The following CENPK variants were observed in gnomAD, a reference collection of about 807,000 sequenced individuals.
CENPK encodes the protein SoxLZ/Sox6-binding protein Solt.
A neutral mutation model predicts 40.9 loss-of-function variants in CENPK; 46 were observed. The ratio of observed to expected loss-of-function variants is 1.13; its 90% CI spans 0.89 to 1.44. The LOEUF (loss-of-function observed/expected upper bound fraction) is 1.44, where lower values mean the gene tolerates loss of function less well. Ranked by LOEUF, CENPK falls within the 40% of genes most tolerant of loss-of-function variation. The pLI is 0.00. For missense variants in CENPK, 288 were observed against 303.5 expected, an observed-to-expected ratio of 0.95 and a Z score of 0.38; for synonymous variants, 107 against 104.4, an observed-to-expected ratio of 1.02 and a Z score of -0.15.
intron 6 of CENPK, among the ~76,000 whole-genome samples, chr5:65,537,351 C>A (rs552018476): frequency 6.6e-6 from 1 of 152,182 alleles, no homozygotes; most frequent in Non-Finnish European, 1.5e-5. Flanking sequence ...GTCATCCAGG[C>A]TGGAGTCCAG....
At position 65,536,871 on chromosome 5, in the gene CENPK, G is replaced by A. The variant is rs147345290; in HGVS notation, c.288+5931C>T. Among the ~76,000 whole-genome samples, 514 of 152,218 alleles carry A rather than the reference G, an allele frequency of 3.4e-3. 4 individuals are homozygous for A. The highest frequency in any genetic ancestry group is 0.012 in the African/African-American group (494 of 41,530). On this transcript the variant is annotated intron_variant, in intron 6 of 10. Transcript: ENST00000396679. ...ACTATAGAAACTTGGTTGCCATTGT[G>A]GCAGTGTTAAGAGGTAGGGTCTTTG... is the stretch of plus-strand genomic sequence containing the variant.
At chr5:65,503,232 G>A in the CENPK span, among the ~76,000 whole-genome samples, 1 of 149,682 alleles carries the variant, frequency 6.7e-6, no homozygotes, top group African/African-American at 2.5e-5. Flanking sequence ...TCAGCCTCCC[G>A]AGTAGCTGGG....
chr5:65,504,533 T>G, the CENPK span, among the ~76,000 whole-genome samples: 1 of 152,162 alleles, frequency 6.6e-6, no homozygotes, highest in Non-Finnish European at 1.5e-5. Context: ...TTACTTACTT[T>G]TGCAATACTA....
intron 2 of CENPK, among the ~76,000 whole-genome samples, chr5:65,558,885 TAG>T: frequency 6.6e-6 from 1 of 152,294 alleles, no homozygotes; most frequent in African/African-American, 2.4e-5. Flanking sequence ...AGAATTATGA[TAG>T]TAGTACTGCA....
intron 2 of CENPK, among the ~76,000 whole-genome samples, chr5:65,557,576 CCAGA>C (rs984321425): frequency 4.4e-4 from 67 of 152,244 alleles, no homozygotes; most frequent in African/African-American, 1.6e-3. Context: ...ACTGAGGTTC[CCAGA>C]CAAACGCTGG....
chr5:65,521,604 A>G lies in CENPK; in HGVS notation c.598-76T>C, dbSNP rs1008247939. 20 of 1,004,306 alleles carry G rather than the reference A, an allele frequency of 2.0e-5. No homozygotes were observed. The African/African-American group carries it at 3.3e-4, about 17-fold the overall frequency. 62.2% of individuals were successfully genotyped at this position (1,004,306 alleles called of 1,614,324 possible). On this transcript the variant is annotated intron_variant, in intron 9 of 10. Coordinates refer to ENST00000396679, the MANE Select transcript of CENPK (RefSeq NM_022145.5). ...GGTGAAATATTGGACTGTTTTTATAAGACTTTTATTTCTGAGACAGAGTTT... is the reference window on the plus strand; with the variant it reads ...GGTGAAATATTGGACTGTTTTTATAGGACTTTTATTTCTGAGACAGAGTTT...
chr5:65,528,960 G>GT lies in CENPK; in HGVS notation c.428dup (p.His143GlnfsTer3). ...TTTCAACCTTATTTTTCAATTCACTGTGTAGTACATTAAGAGATTCCATTA... is the reference window on the plus strand; with the variant it reads ...TTTCAACCTTATTTTTCAATTCACTGTTGTAGTACATTAAGAGATTCCATTA... On this transcript the variant is annotated frameshift_variant, in exon 8 of 11. Coordinates refer to ENST00000396679, the MANE Select transcript of CENPK (RefSeq NM_022145.5). LOFTEE classifies it high-confidence loss of function. 6.2e-7 allele frequency: 1 copy of GT among 1,606,910 alleles called. No individual in the cohort carries two copies. The highest frequency in any genetic ancestry group is 8.5e-7 in the Non-Finnish European group (1 of 1,175,222).
chr5:65,524,278 G>A (rs904409236), intron 9 of CENPK, among the ~76,000 whole-genome samples: 1 of 150,590 alleles, frequency 6.6e-6, no homozygotes, highest in East Asian at 1.9e-4. Flanking sequence ...CCAGCTACTC[G>A]GGAGGCTGAG....
At chr5:65,559,315 C>T (rs1751519217) in intron 2 of CENPK, among the ~76,000 whole-genome samples, 1 of 152,190 alleles carries the variant, frequency 6.6e-6, no homozygotes, top group Non-Finnish European at 1.5e-5. Context: ...CTTTATGGGA[C>T]TTGACAAGCA....
At chr5:65,561,442 A>G (rs1377029032) in intron 2 of CENPK, 21 bp downstream of exon 2, 1 of 446,808 alleles carries the variant, frequency 2.2e-6, no homozygotes, top group Non-Finnish European at 4.5e-6. Context: ...ATATAGAAAC[A>G]TTTAAGAGTT....
rs188481588 is a variant in CENPK at position 65,529,856 on chromosome 5, G to A, written c.289-657C>T. The A allele has an allele frequency of 8.2e-3, 1,252 of 151,904 alleles. 8 individuals are homozygous for A. The highest frequency in any genetic ancestry group is 0.014 in the Non-Finnish European group (962 of 68,312). The allele number at this position is 151,904 out of a possible 1,614,324, so 9.4% of individuals were successfully genotyped here. On this transcript the variant is annotated intron_variant, in intron 6 of 10. Transcript: ENST00000396679. ...GTCTTGCTTTGTCGCCCAGGCTGGA[G>A]TGCAGTGGCATGAACTCGGCTCACT...
intron 6 of CENPK, among the ~76,000 whole-genome samples, chr5:65,533,308 C>G (rs1183241155): frequency 6.8e-6 from 1 of 147,824 alleles, no homozygotes; most frequent in Non-Finnish European, 1.5e-5. Context: ...TGAGATCGTG[C>G]CATTGCACTC....
intron 5 of CENPK, among the ~76,000 whole-genome samples, chr5:65,544,700 T>TA (rs1748590701): frequency 1.3e-5 from 2 of 152,044 alleles, no homozygotes; most frequent in South Asian, 4.1e-4. Flanking sequence ...TATTCAGCCT[T>TA]AAAAAAGGAA....
In CENPK at chr5:65,561,450, G is replaced by A. The variant is rs1751945429; in HGVS notation, c.-40+13C>T. 2.2e-6 allele frequency: 1 copy of A among 450,064 alleles called. No homozygotes were observed. 27.9% of individuals were successfully genotyped at this position (450,064 alleles called of 1,614,324 possible). On this transcript the variant is annotated intron_variant, in intron 2 of 10. Transcript: ENST00000396679. ...TAAAAACATATAGAAACATTTAAGA[G>A]TTTGCTCTCTACCGCTTGAGGATGC...
In CENPK at chr5:65,527,594, T is replaced by C. The variant is rs575512840; in HGVS notation, c.597+858A>G. On this transcript the variant is annotated intron_variant, in intron 9 of 10. Coordinates refer to ENST00000396679, the MANE Select transcript of CENPK (RefSeq NM_022145.5). ...CTTCTGCCACTCAATAAAATATTTATTTGCTTTTTCAGAAAAGGTTTATTT... is the reference window on the plus strand; with the variant it reads ...CTTCTGCCACTCAATAAAATATTTACTTGCTTTTTCAGAAAAGGTTTATTT... Among the ~76,000 whole-genome samples, 312 of 146,604 alleles carry C rather than the reference T, an allele frequency of 2.1e-3. 4 individuals carry two copies. The highest frequency in any genetic ancestry group is 0.015 in the Middle Eastern group (4 of 270).
chr5:65,562,010 G>A (rs1752059936), intron 1 of CENPK, among the ~76,000 whole-genome samples: 1 of 152,148 alleles, frequency 6.6e-6, no homozygotes. Context: ...TATGATTTCA[G>A]GTAGTCAGAA....
chr5:65,518,966 A>G lies in CENPK; in HGVS notation c.652-333T>C, dbSNP rs1167536667. On this transcript the variant is annotated intron_variant, in intron 10 of 10. Coordinates refer to ENST00000396679, the MANE Select transcript of CENPK (RefSeq NM_022145.5). ...AAATTAATATTTCACAAAAAACACAAAAAGTTAAAAAGAAAGTGAGCAAGT... is the reference window on the plus strand; with the variant it reads ...AAATTAATATTTCACAAAAAACACAGAAAGTTAAAAAGAAAGTGAGCAAGT... Among the ~76,000 whole-genome samples, 3 of 152,194 alleles carry G rather than the reference A, an allele frequency of 2.0e-5. No individual in the cohort carries two copies. In the East Asian group the frequency reaches 5.8e-4, roughly 29 times the overall value.
intron 5 of CENPK, among the ~76,000 whole-genome samples, chr5:65,544,486 C>CA (rs1273982567): frequency 2.0e-5 from 3 of 152,008 alleles, no homozygotes; most frequent in African/African-American, 7.2e-5. Flanking sequence ...GGTGGTTCCT[C>CA]AAAAAACTTA....
At position 65,532,924 on chromosome 5, in the gene CENPK, A is replaced by AT. The variant is rs1746124170; in HGVS notation, c.289-3726_289-3725insA. Among the ~76,000 whole-genome samples, 6 of 151,038 alleles carry AT rather than the reference A, an allele frequency of 4.0e-5. No individual in the cohort carries two copies. The South Asian group carries it at 1.2e-3, about 31-fold the overall frequency. ...AACTCCATCTCCAAAAAAAAAAAAA[A>AT]AAAAAAAAAAAATCAATTTTAAAAA... On this transcript the variant is annotated intron_variant, in intron 6 of 10. Transcript: ENST00000396679.
Sources: allele counts gnomAD v4.1 joint callset (sites outside exome capture counted in the v4.1 genomes callset), GRCh38; gene constraint gnomAD v4.1.1; transcripts MANE v1.5; gene names NCBI Gene and HGNC (gene_info 2026-07-23, HGNC 2026-07-21).